Variants in MOK observed in about 807,000 individuals in gnomAD.
MOK encodes MAPK/MAK/MRK overlapping kinase.
MOK carries 59 observed loss-of-function variants against 54.2 expected under a neutral mutation model. The ratio of observed to expected loss-of-function variants is 1.09; its 90% CI spans 0.88 to 1.35. The LOEUF is 1.35. MOK is among the 40% of genes most tolerant of loss of function. MOK has a pLI of 0.00. For missense variants in MOK, 517 were observed against 526.2 expected (o/e 0.98, Z 0.17); for synonymous variants, 210 against 202.7 (o/e 1.04, Z -0.31).
rs115629875 is a variant in MOK at position 102,238,378 on chromosome 14, A to G, written c.591-4589T>C. ...CCACGCCACCATCTGGCAAGAGAGG[A>G]GATTCCTTACTGCCAAAGTGACCCT... is the stretch of plus-strand genomic sequence containing the variant. On this transcript the variant is annotated intron_variant, in intron 7 of 11. Transcript: ENST00000361847. The surrounding 1 kb of genome is among the most constrained non-coding windows in gnomAD (Gnocchi z 4.8). The G allele has an allele frequency of 4.6e-3, 705 of 152,412 alleles. 6 individuals are homozygous for G. Among genetic ancestry groups the G allele is most frequent in the African/African-American group, 0.016 (654 of 41,590 alleles). 9.4% of individuals were successfully genotyped at this position (152,412 alleles called of 1,614,324 possible). A position where few individuals can be genotyped will look rare whatever the true frequency, so the allele number is the denominator to read the frequency against.
intron 4 of MOK, among the ~76,000 whole-genome samples, chr14:102,252,323 C>T (rs909851629): frequency 5.3e-5 from 8 of 151,858 alleles, no homozygotes; most frequent in African/African-American, 1.2e-4. Flanking sequence ...GGTGTGGTGG[C>T]GGGTGCCTGT....
intron 2 of MOK, among the ~76,000 whole-genome samples, chr14:102,274,749 C>T (rs893882321): frequency 6.6e-6 from 1 of 150,658 alleles, no homozygotes; most frequent in East Asian, 2.0e-4. Flanking sequence ...ACGAGGCAGG[C>T]GGATCACCTG....
rs1311668922 is a variant in MOK, at chr14:102,231,955, C to T, written c.867-134G>A. 1 of 650,868 alleles carries T rather than the reference C, an allele frequency of 1.5e-6. No individual in the cohort carries two copies. The highest frequency in any genetic ancestry group is 2.5e-6 in the Non-Finnish European group (1 of 393,932). 40.3% of individuals were successfully genotyped at this position (650,868 alleles called of 1,614,324 possible). ...TCTTCTTTTCTGCCTGAGCTGTAAT[C>T]AGGAGCCTTTTTTTTTCTTTTCTGT... is the stretch of plus-strand genomic sequence containing the variant. On this transcript the variant is annotated intron_variant, in intron 9 of 11. Coordinates refer to ENST00000361847, the MANE Select transcript of MOK (RefSeq NM_014226.3). The surrounding 1 kb of genome is among the most constrained non-coding windows in gnomAD (Gnocchi z 4.4).
chr14:102,255,529 C>T (rs893447712), intron 4 of MOK, among the ~76,000 whole-genome samples: 1 of 151,954 alleles, frequency 6.6e-6, no homozygotes, highest in Admixed American at 6.6e-5. Context: ...GGTAGGGAGC[C>T]GTCCTGGTCC....
chr14:102,244,906 C>T (rs1457717559), intron 7 of MOK, among the ~76,000 whole-genome samples: 3 of 152,074 alleles, frequency 2.0e-5, no homozygotes, highest in African/African-American at 7.2e-5. Context: ...ATGGAACAGA[C>T]TAATGGTCTT....
intron 4 of MOK, among the ~76,000 whole-genome samples, chr14:102,259,084 G>A (rs866958527): frequency 4.0e-4 from 54 of 134,348 alleles, no homozygotes; most frequent in Non-Finnish European, 4.3e-4. Context: ...AAAAAAAAAA[G>A]ACTATATACT....
In MOK at chr14:102,261,418, AATATATATATATATATATATATATATAT is replaced by A. The variant is rs1197835093; in HGVS notation, c.283+2100_283+2127del. On this transcript the variant is annotated intron_variant, in intron 4 of 11. Coordinates refer to ENST00000361847, the MANE Select transcript of MOK (RefSeq NM_014226.3). Reference sequence around the variant, plus strand: ...AAAAAAAAAAAAAAAAAAAAAAAAAAATATATATATATATATATATATATATATATATATATATATTCTAAACAAAGCT... The same window carrying A: ...AAAAAAAAAAAAAAAAAAAAAAAAAAATATATATATATTCTAAACAAAGCT... Among the ~76,000 whole-genome samples the A allele has an allele frequency of 1.2e-4, 5 of 42,826 alleles. No homozygotes were observed. The South Asian group carries it at 4.3e-3, about 37-fold the overall frequency. The allele number at this position is 42,826 out of a possible 152,430, so 28.1% of individuals were successfully genotyped here.
At chr14:102,226,364 G>A, downstream of MOK, 1 of 703,180 alleles carries the variant, frequency 1.4e-6, no homozygotes, top group South Asian at 1.5e-5. The surrounding 1 kb of genome is among the most constrained non-coding windows in gnomAD (Gnocchi z 4.8). Flanking sequence ...TGTTTGAATG[G>A]GGAGGAGGAC....
downstream of MOK, chr14:102,225,792 C>G (rs373686121): frequency 6.2e-5 from 10 of 162,088 alleles, no homozygotes; most frequent in East Asian, 1.3e-3. Flanking sequence ...ACCATGGACT[C>G]AAGCATTCAG....
At chr14:102,222,641 A>T (rs774349871), downstream of MOK, among the ~76,000 whole-genome samples, 1 of 152,192 alleles carries the variant, frequency 6.6e-6, no homozygotes, top group African/African-American at 2.4e-5. The surrounding 1 kb of genome is among the most constrained non-coding windows in gnomAD (Gnocchi z 4.4). Flanking sequence ...CAGGGTTCCA[A>T]TTCTCTAGGA....
chr14:102,229,904 C>T (rs368942803), intron 10 of MOK: 78 of 496,014 alleles, frequency 1.6e-4, no homozygotes, highest in Non-Finnish European at 2.5e-4. Flanking sequence ...GCAGTGCGGG[C>T]GGCAAAGGGC....
chr14:102,252,131 T>C (rs1039784738), intron 4 of MOK, 136 bp from the exon 5 acceptor site: 14 of 623,508 alleles, frequency 2.2e-5, no homozygotes, highest in Admixed American at 6.2e-5. Context: ...GAAGTAGTCT[T>C]AGGAAATATG....
chr14:102,264,043 C>T (rs549307341), intron 3 of MOK: 1 of 157,518 alleles, frequency 6.3e-6, no homozygotes, highest in African/African-American at 2.4e-5. Flanking sequence ...GGTGAAACCC[C>T]ATCTCTACTA....
chr14:102,275,918 C>CT (rs1459235280), intron 2 of MOK, among the ~76,000 whole-genome samples: 4 of 152,020 alleles, frequency 2.6e-5, no homozygotes, highest in South Asian at 4.1e-4. Flanking sequence ...ATTATTTTTT[C>CT]TTTTTTTCTC....
In MOK at chr14:102,235,485, A is replaced by AG. The variant is rs2065140139; in HGVS notation, c.591-1697dup. On this transcript the variant is annotated intron_variant, in intron 7 of 11. Transcript: ENST00000361847. The surrounding 1 kb of genome is among the most constrained non-coding windows in gnomAD (Gnocchi z 4.4). ...ATCGGCAAGATCCTACTAGGCCAGT[A>AG]GGGGCCGCTGCAGTTCCCTGAGAAG... is the stretch of plus-strand genomic sequence containing the variant. The AG allele has an allele frequency of 6.6e-6, 1 of 152,228 alleles. No homozygotes were observed. Among genetic ancestry groups the AG allele is most frequent in the African/African-American group, 2.4e-5 (1 of 41,454 alleles). The allele number at this position is 152,228 out of a possible 1,614,324, so 9.4% of individuals were successfully genotyped here. A position where few individuals can be genotyped will look rare whatever the true frequency, so the allele number is the denominator to read the frequency against.
chr14:102,287,993 C>A lies in MOK; in HGVS notation c.8-4401G>T, dbSNP rs527714407. Among the ~76,000 whole-genome samples the A allele has an allele frequency of 1.6e-3, 245 of 151,700 alleles. 1 individual carries two copies. The highest frequency in any genetic ancestry group is 5.8e-3 in the African/African-American group (237 of 41,166). On this transcript the variant is annotated intron_variant, in intron 1 of 11. Transcript: ENST00000361847. Reference sequence around the variant, plus strand: ...GGGATTACAGGCGCCCGCCACCGCGCCCGGCTAATTTTTTGTATTTTTAGT... The same window carrying A: ...GGGATTACAGGCGCCCGCCACCGCGACCGGCTAATTTTTTGTATTTTTAGT...
intron 2 of MOK, among the ~76,000 whole-genome samples, chr14:102,276,855 T>A (rs2068914980): frequency 6.6e-6 from 1 of 151,832 alleles, no homozygotes; most frequent in South Asian, 2.1e-4. Context: ...GTATTTCTTT[T>A]GTTGTTTTTC....
Position 102,229,274 on chromosome 14 carries a change from G to C in MOK, c.*15C>G. On this transcript the variant is annotated 3_prime_UTR_variant, in exon 12 of 12. Coordinates refer to ENST00000361847, the MANE Select transcript of MOK (RefSeq NM_014226.3). ...TTGGTGTTGCCTCCGAAGTCGAGAC[G>C]ACGGTGCTGCTCAGTTATCTTCCGC... 6.3e-7 allele frequency: 1 copy of C among 1,577,606 alleles called. No homozygotes were observed. Among genetic ancestry groups the C allele is most frequent in the Non-Finnish European group, 8.6e-7 (1 of 1,160,012 alleles).
chr14:102,253,804 T>C (rs960289757), intron 4 of MOK, among the ~76,000 whole-genome samples: 2 of 152,240 alleles, frequency 1.3e-5, no homozygotes, highest in African/African-American at 4.8e-5. Flanking sequence ...ACAATGACCA[T>C]GTTCACCTAA....
Sources: allele counts gnomAD v4.1 joint callset (sites outside exome capture counted in the v4.1 genomes callset), GRCh38; gene constraint gnomAD v4.1.1; non-coding constraint Gnocchi (gnomAD v3.1); transcripts MANE v1.5; gene names NCBI Gene and HGNC (gene_info 2026-07-23, HGNC 2026-07-21).